Variants in CDK14 observed in about 807,000 individuals in gnomAD.
CDK14 encodes cyclin dependent kinase 14, also known as cyclin-dependent kinase 14.
In CDK14, 34 loss-of-function variants were observed where a neutral mutation model predicts 60.7. The ratio of observed to expected loss-of-function variants is 0.56; its 90% CI spans 0.43 to 0.75. The LOEUF (loss-of-function observed/expected upper bound fraction) is 0.75, where lower values mean the gene tolerates loss of function less well. CDK14 is among the 30% of genes least tolerant of loss of function. The pLI, the probability that CDK14 is intolerant of heterozygous loss-of-function variation, is 0.00. For synonymous variants in CDK14, 197 were observed against 203.7 expected (o/e 0.97, Z 0.28); for missense variants, 482 against 564.1 (o/e 0.85, Z 1.47).
chr7:91,180,689 G>A (rs1050202014), intron 14 of CDK14, among the ~76,000 whole-genome samples: 2 of 152,138 alleles, frequency 1.3e-5, no homozygotes, highest in African/African-American at 2.4e-5. Flanking sequence ...GTCTCTCCAC[G>A]AGGTCAGGGA....
rs1802957752 is a variant in CDK14 at position 91,208,147 on chromosome 7, A to C, written c.*1011A>C. ...TAGTTACAACAAAGCACCTTTAAAAAAAATACATTTTAAAAAAACATTCCA... is the reference window on the plus strand; with the variant it reads ...TAGTTACAACAAAGCACCTTTAAAACAAATACATTTTAAAAAAACATTCCA... On this transcript the variant is annotated 3_prime_UTR_variant, in exon 15 of 15. Transcript: ENST00000380050. The C allele has an allele frequency of 6.5e-6, 1 of 152,798 alleles. No homozygotes were observed. Among genetic ancestry groups the C allele is most frequent in the South Asian group, 2.1e-4 (1 of 4,828 alleles). 9.5% of individuals were successfully genotyped at this position (152,798 alleles called of 1,614,324 possible).
At chr7:90,851,437 G>T (rs749392253) in intron 5 of CDK14, among the ~76,000 whole-genome samples, 2 of 152,158 alleles carry the variant, frequency 1.3e-5, no homozygotes, top group African/African-American at 2.4e-5. Context: ...AAGGTTGAGT[G>T]CATTTGAGAA....
chr7:90,824,915 T>G (rs1170843392), intron 5 of CDK14: 1 of 152,204 alleles, frequency 6.6e-6, no homozygotes, highest in East Asian at 1.9e-4. Context: ...TTGAATTGCC[T>G]TTTGCTGGCA....
At chr7:91,159,953 A>G (rs527439597) in intron 14 of CDK14, among the ~76,000 whole-genome samples, 4 of 152,222 alleles carry the variant, frequency 2.6e-5, no homozygotes, top group African/African-American at 9.6e-5. Flanking sequence ...TTAACAATAT[A>G]CTACCTTTTC....
intron 2 of CDK14, among the ~76,000 whole-genome samples, chr7:90,690,998 G>A (rs1444624848): frequency 6.6e-6 from 1 of 152,062 alleles, no homozygotes; most frequent in Admixed American, 6.6e-5. Context: ...TCAGACTTAA[G>A]TCCTCTATTT....
intron 3 of CDK14, among the ~76,000 whole-genome samples, chr7:90,728,404 C>A (rs907943662): frequency 1.5e-4 from 23 of 151,456 alleles, no homozygotes; most frequent in African/African-American, 5.3e-4. Flanking sequence ...TATTTTAAAT[C>A]TTTTTTTTCC....
rs577259803 is a variant in CDK14 at position 91,149,453 on chromosome 7, A to T, written c.*28+31245A>T. 1.9e-4 allele frequency among the ~76,000 whole-genome samples: 29 copies of T among 152,292 alleles called. No individual in the cohort carries two copies. The South Asian group carries it at 5.8e-3, about 30-fold the overall frequency. ...GAAGCAAATTGCTGATGGACTGCAA[A>T]TGATATTCTAATAGTTTTTAGCAGT... On this transcript the variant is annotated intron_variant, in intron 14 of 14. Coordinates refer to ENST00000380050, the MANE Select transcript of CDK14 (RefSeq NM_001287135.2).
intron 12 of CDK14, among the ~76,000 whole-genome samples, chr7:91,083,806 A>G (rs908363702): frequency 4.6e-5 from 7 of 152,196 alleles, no homozygotes; most frequent in African/African-American, 1.7e-4. Flanking sequence ...CCAAAGATTC[A>G]GGTTGCAAGC....
At chr7:91,196,738 A>C (rs1369038302) in intron 14 of CDK14, among the ~76,000 whole-genome samples, 1 of 152,240 alleles carries the variant, frequency 6.6e-6, no homozygotes, top group African/African-American at 2.4e-5. Flanking sequence ...AAAAACAGAG[A>C]AGAAAGCCTA....
At chr7:90,707,598 G>T (rs1801926650) in intron 2 of CDK14, among the ~76,000 whole-genome samples, 1 of 152,168 alleles carries the variant, frequency 6.6e-6, no homozygotes, top group Non-Finnish European at 1.5e-5. Flanking sequence ...CAACTTTTTA[G>T]CATGGCTTAC....
At chr7:90,692,584 C>T (rs186628830) in intron 2 of CDK14, 3 of 518,066 alleles carry the variant, frequency 5.8e-6, no homozygotes, top group Middle Eastern at 9.7e-4. Flanking sequence ...TGTCAGCAGA[C>T]TAATGATATG....
intron 1 of CDK14, among the ~76,000 whole-genome samples, chr7:90,601,557 C>G (rs1304155837): frequency 2.0e-5 from 3 of 152,214 alleles, no homozygotes; most frequent in South Asian, 2.1e-4. Context: ...AATACACTTG[C>G]AGTTTCTTCT....
At chr7:90,731,640 T>C (rs905114829) in intron 3 of CDK14, among the ~76,000 whole-genome samples, 1 of 152,072 alleles carries the variant, frequency 6.6e-6, no homozygotes, top group East Asian at 1.9e-4. Context: ...GGCTGTCTGT[T>C]TGTCTGTTAT....
rs151230511 is a variant in CDK14, at chr7:91,200,823, T to C, written c.*29-6342T>C. 3.5e-3 allele frequency among the ~76,000 whole-genome samples: 536 copies of C among 152,244 alleles called. 1 individual carries two copies. Among genetic ancestry groups the C allele is most frequent in the African/African-American group, 0.012 (517 of 41,546 alleles). ...TTAAGAATAGGCTAAATGTGAAAAA[T>C]TACAAAGCAGAATTGTAATTTACCA... On this transcript the variant is annotated intron_variant, in intron 14 of 14. Coordinates refer to ENST00000380050, the MANE Select transcript of CDK14 (RefSeq NM_001287135.2).
At chr7:90,715,200 G>A (rs947435183) in intron 2 of CDK14, among the ~76,000 whole-genome samples, 3 of 152,034 alleles carry the variant, frequency 2.0e-5, no homozygotes, top group African/African-American at 4.8e-5. Flanking sequence ...AAGAAGCCAG[G>A]GGTGGTTTAG....
chr7:91,041,475 T>C (rs1797089328), intron 10 of CDK14, among the ~76,000 whole-genome samples: 1 of 152,214 alleles, frequency 6.6e-6, no homozygotes, highest in Non-Finnish European at 1.5e-5. Flanking sequence ...GCTTTATGTC[T>C]GGCATTCTTG....
intron 9 of CDK14, among the ~76,000 whole-genome samples, chr7:90,958,051 T>G (rs1219483930): frequency 5.9e-5 from 9 of 152,164 alleles, no homozygotes; most frequent in Non-Finnish European, 8.8e-5. Context: ...ATGTGTTGTT[T>G]ATCTTACTGT....
rs141134866 is a variant in CDK14, at chr7:90,830,380, G to A, written c.545-32795G>A. Among the ~76,000 whole-genome samples the A allele has an allele frequency of 3.1e-3, 475 of 152,288 alleles. 5 individuals are homozygous for A. The highest frequency in any genetic ancestry group is 0.014 in the Middle Eastern group (4 of 294). On this transcript the variant is annotated intron_variant, in intron 5 of 14. Transcript: ENST00000380050. ...TTGGTGCCTTTTAGCCATGGCTGGAGCTGGAATGGCCAGGATGCAAGGCAC... is the reference window on the plus strand; with the variant it reads ...TTGGTGCCTTTTAGCCATGGCTGGAACTGGAATGGCCAGGATGCAAGGCAC...
chr7:91,184,446 A>G (rs1293953121), intron 14 of CDK14, among the ~76,000 whole-genome samples: 1 of 152,158 alleles, frequency 6.6e-6, no homozygotes, highest in East Asian at 1.9e-4. Context: ...GAGGAGGACT[A>G]AGGAGGCAGG....
Sources: gnomAD v4.1 joint callset for allele counts (sites outside exome capture counted in the v4.1 genomes callset) on GRCh38, gnomAD v4.1.1 for gene constraint, MANE v1.5 for transcripts, NCBI Gene and HGNC (gene_info 2026-07-23, HGNC 2026-07-21) for gene names.